RNGTT: variants seen among roughly 807,000 people sequenced by gnomAD.
RNGTT encodes RNA guanylyltransferase and 5'-phosphatase, also known as mRNA-capping enzyme.
Under a neutral mutation model 79.3 loss-of-function variants are expected in RNGTT, and 33 were observed. That is an observed-to-expected ratio of 0.42 (90% CI 0.32 to 0.56). The LOEUF (loss-of-function observed/expected upper bound fraction) is 0.56, where lower values mean the gene tolerates loss of function less well. Among genes scored for constraint, RNGTT ranks in the 20% least tolerant of loss-of-function variants. The pLI is 0.17. For synonymous variants in RNGTT, 222 were observed against 235.9 expected (o/e 0.94, Z 0.54); for missense variants, 497 against 739.1 (o/e 0.67, Z 3.80).
intron 13 of RNGTT, among the ~76,000 whole-genome samples, chr6:88,720,881 C>T (rs563290951): frequency 3.9e-5 from 6 of 152,174 alleles, no homozygotes; most frequent in Admixed American, 1.3e-4. Context: ...TAAAAAATTG[C>T]AAATGTTAAG....
intron 6 of RNGTT, among the ~76,000 whole-genome samples, chr6:88,900,979 T>C (rs1002800571): frequency 9.9e-5 from 15 of 151,714 alleles, no homozygotes; most frequent in Non-Finnish European, 1.8e-4. Flanking sequence ...CTGTCTCTAC[T>C]AAAAATACAA....
rs80086738 is a variant in RNGTT, at chr6:88,636,285, A to T, written c.1507-21890T>A. Among the ~76,000 whole-genome samples the T allele has an allele frequency of 8.5e-3, 1,292 of 152,124 alleles. 20 individuals are homozygous for T. The highest frequency in any genetic ancestry group is 0.029 in the African/African-American group (1,218 of 41,520). On this transcript the variant is annotated intron_variant, in intron 14 of 15. Transcript: ENST00000369485. ...TTGGTTATAGCCTCCTGCAGATTTAACTTATTCTGAATTCTGTGGTATAAG... is the reference window on the plus strand; with the variant it reads ...TTGGTTATAGCCTCCTGCAGATTTATCTTATTCTGAATTCTGTGGTATAAG...
intron 14 of RNGTT, among the ~76,000 whole-genome samples, chr6:88,640,704 T>C (rs942192083): frequency 2.0e-5 from 3 of 152,062 alleles, no homozygotes; most frequent in African/African-American, 7.2e-5. Flanking sequence ...AGGTGAAGAA[T>C]TAAGAGTCAT....
At chr6:88,826,677 G>A (rs1468965032) in intron 11 of RNGTT, among the ~76,000 whole-genome samples, 8 of 151,260 alleles carry the variant, frequency 5.3e-5, no homozygotes. Flanking sequence ...CAACTACTTG[G>A]GAGGCTGAGG....
chr6:88,842,412 A>T (rs1044242476), intron 11 of RNGTT, among the ~76,000 whole-genome samples: 1 of 152,204 alleles, frequency 6.6e-6, no homozygotes, highest in Non-Finnish European at 1.5e-5. Flanking sequence ...CAGCAATAAC[A>T]GTAGTACCAG....
Position 88,675,111 on chromosome 6 carries a change from A to AC in RNGTT, c.1506+3241_1506+3242insG, listed in dbSNP as rs1467093383. Among the ~76,000 whole-genome samples, 3 of 151,958 alleles carry AC rather than the reference A, an allele frequency of 2.0e-5. No individual in the cohort carries two copies. The East Asian group carries it at 5.8e-4, about 29-fold the overall frequency. On this transcript the variant is annotated intron_variant, in intron 14 of 15. Coordinates refer to ENST00000369485, the MANE Select transcript of RNGTT (RefSeq NM_003800.5). ...AGACTCCGTCTCAGAAGAAAAAAAA[A>AC]AAAAAAATTATAGGTTTCTCAGAAA...
chr6:88,963,333 C>T lies in RNGTT; in HGVS notation c.64+13G>A. On this transcript the variant is annotated intron_variant, in intron 1 of 15. Coordinates refer to ENST00000369485, the MANE Select transcript of RNGTT (RefSeq NM_003800.5). ...GGAGTGTGGGGATTCGAACGCCCCC[C>T]AGTCCAGGTTACCTGCCACCGGCTG... is the stretch of plus-strand genomic sequence containing the variant. 6.2e-7 allele frequency: 1 copy of T among 1,612,126 alleles called. No individual in the cohort carries two copies.
chr6:88,765,128 C>T (rs1398148802), intron 13 of RNGTT, among the ~76,000 whole-genome samples: 1 of 149,660 alleles, frequency 6.7e-6, no homozygotes, highest in Non-Finnish European at 1.5e-5. Context: ...GGAGGCAGAG[C>T]TTGCAGTGAG....
chr6:88,840,246 A>C lies in RNGTT; in HGVS notation c.1269+4111T>G, dbSNP rs577783802. Among the ~76,000 whole-genome samples, 32 of 152,304 alleles carry C rather than the reference A, an allele frequency of 2.1e-4. No homozygotes were observed. The South Asian group carries it at 6.6e-3, about 32-fold the overall frequency. ...ATAACTGGTGTTACTAAGGTCTTACATGTTATGCCAATTCTGCTATAAAGT... is the reference window on the plus strand; with the variant it reads ...ATAACTGGTGTTACTAAGGTCTTACCTGTTATGCCAATTCTGCTATAAAGT... On this transcript the variant is annotated intron_variant, in intron 11 of 15. Transcript: ENST00000369485.
intron 11 of RNGTT, among the ~76,000 whole-genome samples, chr6:88,840,432 C>T (rs182453506): frequency 1.3e-5 from 2 of 152,212 alleles, no homozygotes; most frequent in East Asian, 3.9e-4. Flanking sequence ...TGTCCCACTC[C>T]GCCACCCAGG....
At chr6:88,627,324 A>G (rs1051033162) in intron 14 of RNGTT, among the ~76,000 whole-genome samples, 1 of 152,164 alleles carries the variant, frequency 6.6e-6, no homozygotes, top group Non-Finnish European at 1.5e-5. Context: ...GAACTAGGCA[A>G]TTCATTAAGA....
At chr6:88,616,063 C>T (rs1772205305) in intron 14 of RNGTT, among the ~76,000 whole-genome samples, 1 of 152,180 alleles carries the variant, frequency 6.6e-6, no homozygotes, top group Non-Finnish European at 1.5e-5. Context: ...ATTTTGACTA[C>T]TTTAGATACT....
intron 12 of RNGTT, among the ~76,000 whole-genome samples, chr6:88,778,865 C>T (rs900673789): frequency 6.6e-6 from 1 of 152,074 alleles, no homozygotes; most frequent in Non-Finnish European, 1.5e-5. Flanking sequence ...TGTATTGAAG[C>T]ATGAGTAAGT....
intron 2 of RNGTT, among the ~76,000 whole-genome samples, chr6:88,935,723 T>G (rs1019919803): frequency 2.0e-5 from 3 of 152,182 alleles, no homozygotes; most frequent in Non-Finnish European, 2.9e-5. Context: ...TTCTATTTGT[T>G]TGTGTTCCAT....
chr6:88,824,256 A>G (rs74593441), intron 11 of RNGTT, among the ~76,000 whole-genome samples: 2,930 of 152,326 alleles, frequency 0.019, 87 homozygotes, highest in African/African-American at 0.067. Context: ...AGGCTATACA[A>G]TATACAGCCT....
intron 13 of RNGTT, among the ~76,000 whole-genome samples, chr6:88,747,882 T>C (rs760475197): frequency 6.6e-6 from 1 of 152,192 alleles, no homozygotes; most frequent in Non-Finnish European, 1.5e-5. Context: ...CTGAATGTAA[T>C]GACTGCTGTT....
intron 1 of RNGTT, among the ~76,000 whole-genome samples, chr6:88,945,726 T>G (rs763047762): frequency 6.6e-6 from 1 of 152,180 alleles, no homozygotes. Context: ...TTTCTCAGTT[T>G]CTCTTGTAGT....
At chr6:88,960,580 A>G (rs558987561) in intron 1 of RNGTT, among the ~76,000 whole-genome samples, 15 of 152,308 alleles carry the variant, frequency 9.8e-5, no homozygotes, top group South Asian at 8.3e-4. Context: ...CTAAAAATAC[A>G]AAAAAGAAAA....
At chr6:88,872,234 C>T (rs1782381381) in intron 8 of RNGTT, among the ~76,000 whole-genome samples, 1 of 152,062 alleles carries the variant, frequency 6.6e-6, no homozygotes, top group Admixed American at 6.6e-5. Context: ...TAAGTGGGTA[C>T]AGGAAAGTTT....
Sources: allele counts gnomAD v4.1 joint callset (sites outside exome capture counted in the v4.1 genomes callset), GRCh38; gene constraint gnomAD v4.1.1; transcripts MANE v1.5; gene names NCBI Gene and HGNC (gene_info 2026-07-23, HGNC 2026-07-21).